LMO7: variants seen among roughly 807,000 people sequenced by gnomAD.
The protein encoded by LMO7 is LIM domain only protein 7.
In LMO7, 120 loss-of-function variants were observed where a neutral mutation model predicts 206.5. The observed-to-expected ratio is 0.58, with a 90% CI of 0.50 to 0.68. The LOEUF (loss-of-function observed/expected upper bound fraction) is 0.68, where lower values mean the gene tolerates loss of function less well. Among genes scored for constraint, LMO7 ranks in the 30% least tolerant of loss-of-function variants. LMO7 has a pLI of 0.00. For synonymous variants in LMO7, 706 were observed against 681.5 expected (o/e 1.04, Z -0.56); for missense variants, 1,959 against 1,957.9 (o/e 1.00, Z -0.01).
chr13:75,779,235 G>C (rs1328505973), intron 4 of LMO7, among the ~76,000 whole-genome samples: 1 of 152,078 alleles, frequency 6.6e-6, no homozygotes, highest in East Asian at 1.9e-4. Context: ...TTAAATTCTG[G>C]GCAGAGATAA....
chr13:75,710,382 C>T (rs1408829499), intron 1 of LMO7, among the ~76,000 whole-genome samples: 1 of 152,058 alleles, frequency 6.6e-6, no homozygotes, highest in Non-Finnish European at 1.5e-5. Flanking sequence ...CTATAAATTA[C>T]CTTGGGCAGT....
chr13:75,821,170 C>T lies in LMO7; in HGVS notation c.2208-7C>T, dbSNP rs181473989. 501 of 1,589,394 alleles carry T rather than the reference C, an allele frequency of 3.2e-4. 3 individuals carry two copies. The East Asian group carries it at 5.2e-3, about 17-fold the overall frequency. On this transcript the variant is annotated splice_region_variant and splice_polypyrimidine_tract_variant and intron_variant, in intron 13 of 30. Transcript: ENST00000377534. ...TTTGTGGTGATGGTGCATTTCTCTC[C>T]GCTAAGGGAATCCCAAAATCAAAAG...
intron 1 of LMO7, among the ~76,000 whole-genome samples, chr13:75,641,839 TGG>T (rs2036566553): frequency 6.6e-6 from 1 of 151,686 alleles, no homozygotes; most frequent in African/African-American, 2.4e-5. Flanking sequence ...TTTTTTTTTT[TGG>T]TAGAGACAGG....
chr13:75,840,593 C>T lies in LMO7; in HGVS notation c.3582+98C>T, dbSNP rs998859961. On this transcript the variant is annotated intron_variant, in intron 22 of 30. Coordinates refer to ENST00000377534, the MANE Select transcript of LMO7 (RefSeq NM_001306080.2). ...ATTGAGAAACTAATTTTAAACGCAA[C>T]AATCTCACAACTAACAAATATTTTT... is the stretch of plus-strand genomic sequence containing the variant. The T allele has an allele frequency of 2.2e-6, 3 of 1,372,668 alleles. No homozygotes were observed. The African/African-American group carries it at 4.3e-5, about 20-fold the overall frequency. 85.0% of individuals were successfully genotyped at this position (1,372,668 alleles called of 1,614,324 possible). A position where few individuals can be genotyped will look rare whatever the true frequency, so the allele number is the denominator to read the frequency against.
chr13:75,772,751 A>G (rs2049925551), intron 4 of LMO7, among the ~76,000 whole-genome samples: 1 of 152,152 alleles, frequency 6.6e-6, no homozygotes, highest in Non-Finnish European at 1.5e-5. Flanking sequence ...TTCTGGAGAT[A>G]TGGGGGAGTT....
intron 1 of LMO7, among the ~76,000 whole-genome samples, chr13:75,690,293 C>G (rs1311808218): frequency 6.6e-6 from 1 of 152,020 alleles, no homozygotes; most frequent in Non-Finnish European, 1.5e-5. Context: ...TCACAGTGAT[C>G]TTTTTCCTCA....
At chr13:75,650,299 T>G (rs1056925384) in intron 1 of LMO7, among the ~76,000 whole-genome samples, 13 of 152,164 alleles carry the variant, frequency 8.5e-5, no homozygotes, top group East Asian at 1.9e-4. Context: ...CTAGCTAATT[T>G]TTGTATTTTT....
chr13:75,713,917 C>A (rs997908364), intron 2 of LMO7, among the ~76,000 whole-genome samples: 1 of 152,170 alleles, frequency 6.6e-6, no homozygotes. Context: ...AAGGGAGAGG[C>A]AGGCCTGTGA....
At chr13:75,703,117 A>G (rs1436298137) in intron 1 of LMO7, among the ~76,000 whole-genome samples, 1 of 152,200 alleles carries the variant, frequency 6.6e-6, no homozygotes, top group Admixed American at 6.5e-5. Context: ...AGAACTGAGG[A>G]AGGCTCTTCC....
At chr13:75,824,101 C>T (rs1261286220) in intron 15 of LMO7, among the ~76,000 whole-genome samples, 1 of 152,166 alleles carries the variant, frequency 6.6e-6, no homozygotes, top group African/African-American at 2.4e-5. Flanking sequence ...ACTTTGTGCA[C>T]CAGTCTCCTT....
chr13:75,629,230 TCTG>T (rs1280767776), intron 2 of LMO7, among the ~76,000 whole-genome samples: 1 of 152,244 alleles, frequency 6.6e-6, no homozygotes, highest in Non-Finnish European at 1.5e-5. Context: ...TATTTTCTAC[TCTG>T]CTGTTATCAA....
At chr13:75,670,846 TC>T (rs2039500603) in intron 1 of LMO7, among the ~76,000 whole-genome samples, 2 of 152,252 alleles carry the variant, frequency 1.3e-5, no homozygotes, top group African/African-American at 4.8e-5. Flanking sequence ...TATTTTAATA[TC>T]CAATTTTTTA....
chr13:75,776,691 G>A (rs1367835177), intron 4 of LMO7, among the ~76,000 whole-genome samples: 5 of 152,096 alleles, frequency 3.3e-5, no homozygotes, highest in East Asian at 1.9e-4. Context: ...AATTCTAATC[G>A]AGGTAATACA....
chr13:75,781,903 T>G (rs1035984205), intron 4 of LMO7, among the ~76,000 whole-genome samples: 1 of 151,970 alleles, frequency 6.6e-6, no homozygotes, highest in Non-Finnish European at 1.5e-5. Flanking sequence ...TTTCATGTGT[T>G]TTTTGGCTGC....
Position 75,751,149 on chromosome 13 carries a change from C to CTTTTTTTTT in LMO7, c.211-9762_211-9754dup, listed in dbSNP as rs57976279. The stretch of plus-strand genomic sequence containing the variant: ...CATGTACTCAGCTCTTTTTTCAGCT[C>CTTTTTTTTT]TTTTTTTTTTTTTTTTTTTTTTTTT... On this transcript the variant is annotated intron_variant, in intron 3 of 30. Transcript: ENST00000377534. 1.3e-4 allele frequency among the ~76,000 whole-genome samples: 8 copies of CTTTTTTTTT among 60,424 alleles called. 1 individual carries two copies. The highest frequency in any genetic ancestry group is 2.7e-4 in the African/African-American group (4 of 14,848). The allele number at this position is 60,424 out of a possible 152,430, so 39.6% of individuals were successfully genotyped here. A position where few individuals can be genotyped will look rare whatever the true frequency, so the allele number is the denominator to read the frequency against.
intron 1 of LMO7, among the ~76,000 whole-genome samples, chr13:75,677,210 C>G (rs548713601): frequency 6.6e-6 from 1 of 152,086 alleles, no homozygotes; most frequent in Non-Finnish European, 1.5e-5. Flanking sequence ...GGACCATCCT[C>G]TACAAAAATC....
At chr13:75,795,152 T>G (rs1006643930) in intron 4 of LMO7, among the ~76,000 whole-genome samples, 33 of 152,188 alleles carry the variant, frequency 2.2e-4, no homozygotes, top group African/African-American at 7.5e-4. Flanking sequence ...AGCACTGCTT[T>G]TTATAGAAAA....
intron 4 of LMO7, among the ~76,000 whole-genome samples, chr13:75,772,537 CAGGCTTAGTGACCTGCTCAAGGTCAT>C (rs1370121812): frequency 6.6e-6 from 1 of 152,056 alleles, no homozygotes; most frequent in East Asian, 1.9e-4. Context: ...AACTGAGATG[CAGGCTTAGTGACCTGCTCAAGGTCAT>C]AGGCTTAGTA....
At chr13:75,625,879 C>T (rs1408943771) in intron 2 of LMO7, among the ~76,000 whole-genome samples, 1 of 152,168 alleles carries the variant, frequency 6.6e-6, no homozygotes, top group Non-Finnish European at 1.5e-5. Context: ...TCCCTTTTCT[C>T]CTATAATTAT....
Sources: allele counts gnomAD v4.1 joint callset (sites outside exome capture counted in the v4.1 genomes callset), GRCh38; gene constraint gnomAD v4.1.1; transcripts MANE v1.5; gene names NCBI Gene and HGNC (gene_info 2026-07-23, HGNC 2026-07-21).